Variants in JAKMIP1 observed in about 807,000 individuals in gnomAD.
JAKMIP1 encodes the protein janus kinase and microtubule interacting protein 1.
A neutral mutation model predicts 113.0 loss-of-function variants in JAKMIP1; 33 were observed. The ratio of observed to expected loss-of-function variants is 0.29; its 90% CI spans 0.22 to 0.39. The LOEUF (loss-of-function observed/expected upper bound fraction) is 0.39, where lower values mean the gene tolerates loss of function less well. JAKMIP1 is among the 10% of genes least tolerant of loss of function. JAKMIP1 has a pLI of 1.00. For synonymous variants in JAKMIP1, 480 were observed against 459.9 expected (o/e 1.04, Z -0.56); for missense variants, 813 against 1,080.5 (o/e 0.75, Z 3.47).
intron 8 of JAKMIP1, among the ~76,000 whole-genome samples, chr4:6,070,701 G>A (rs1718836191): frequency 6.6e-6 from 1 of 152,236 alleles, no homozygotes; most frequent in African/African-American, 2.4e-5. Context: ...GTCCTCATGT[G>A]TTTGGGAAAT....
At position 6,135,517 on chromosome 4, in the gene JAKMIP1, G is replaced by A. The variant is rs1041901145; in HGVS notation, c.-147-22520C>T. ...AGCCCCTGAAGACTGATACAGAGAT[G>A]CTCCTTGAGCTGCCCGACCCCACTC... is the stretch of plus-strand genomic sequence containing the variant. On this transcript the variant is annotated intron_variant, in intron 1 of 20. Coordinates refer to ENST00000409021, the MANE Select transcript of JAKMIP1 (RefSeq NM_001099433.2). This position sits in a 1 kb window ranked among gnomAD's most constrained non-coding sequence, Gnocchi z 4.9. 6.6e-6 allele frequency among the ~76,000 whole-genome samples: 1 copy of A among 152,148 alleles called. No individual in the cohort carries two copies. The highest frequency in any genetic ancestry group is 1.5e-5 in the Non-Finnish European group (1 of 68,022).
At chr4:6,134,385 T>C (rs1203039211) in intron 1 of JAKMIP1, among the ~76,000 whole-genome samples, 1 of 152,218 alleles carries the variant, frequency 6.6e-6, no homozygotes, top group Non-Finnish European at 1.5e-5. Flanking sequence ...TGGGGTTTCT[T>C]TGTTACTGCA....
intron 1 of JAKMIP1, among the ~76,000 whole-genome samples, chr4:6,174,399 C>T (rs1725093683): frequency 6.6e-6 from 1 of 152,230 alleles, no homozygotes; most frequent in Non-Finnish European, 1.5e-5. Context: ...CTGGGAGGGT[C>T]CAGGCACAGC....
chr4:6,158,078 C>G lies in JAKMIP1; in HGVS notation c.-148+42175G>C, dbSNP rs989071489. On this transcript the variant is annotated intron_variant, in intron 1 of 20. Coordinates refer to ENST00000409021, the MANE Select transcript of JAKMIP1 (RefSeq NM_001099433.2). The surrounding 1 kb of genome is among the most constrained non-coding windows in gnomAD (Gnocchi z 5.3). The stretch of plus-strand genomic sequence containing the variant: ...GCTGTCGGCCAGCGCCGTCCCTCTC[C>G]CTGTGTGAGACGCTGGTCAAGTTAC... Among the ~76,000 whole-genome samples, 14 of 152,182 alleles carry G rather than the reference C, an allele frequency of 9.2e-5. No individual in the cohort carries two copies. The highest frequency in any genetic ancestry group is 3.4e-4 in the African/African-American group (14 of 41,450).
intron 2 of JAKMIP1, among the ~76,000 whole-genome samples, chr4:6,109,997 C>T (rs533534497): frequency 5.3e-5 from 8 of 152,278 alleles, no homozygotes; most frequent in Admixed American, 2.0e-4. Context: ...AATTGCCACA[C>T]GTCCCAGAGG....
chr4:6,143,408 G>A lies in JAKMIP1; in HGVS notation c.-147-30411C>T, dbSNP rs958843363. Reference sequence around the variant, plus strand: ...CAGCTGCCACCAACTCCTCTCTGGCGCCATGTCTGAACCCAGGCTGGTAAG... The same window carrying A: ...CAGCTGCCACCAACTCCTCTCTGGCACCATGTCTGAACCCAGGCTGGTAAG... On this transcript the variant is annotated intron_variant, in intron 1 of 20. Coordinates refer to ENST00000409021, the MANE Select transcript of JAKMIP1 (RefSeq NM_001099433.2). This position sits in a 1 kb window ranked among gnomAD's most constrained non-coding sequence, Gnocchi z 4.9. 2.6e-5 allele frequency among the ~76,000 whole-genome samples: 4 copies of A among 152,080 alleles called. No individual in the cohort carries two copies. The highest frequency in any genetic ancestry group is 4.8e-5 in the African/African-American group (2 of 41,404).
chr4:6,142,060 C>A lies in JAKMIP1; in HGVS notation c.-147-29063G>T, dbSNP rs914451889. ...TCCTTCTGGGCTGCTTTTCCAGGGG[C>A]AGTTTTTACTTAAACTCATGTCTAT... On this transcript the variant is annotated intron_variant, in intron 1 of 20. Transcript: ENST00000409021. The surrounding 1 kb of genome is among the most constrained non-coding windows in gnomAD (Gnocchi z 5.5). Among the ~76,000 whole-genome samples, 1 of 144,972 alleles carries A rather than the reference C, an allele frequency of 6.9e-6. No individual in the cohort carries two copies. The highest frequency in any genetic ancestry group is 7.4e-5 in the Admixed American group (1 of 13,482).
chr4:6,053,448 C>T (rs1469250335), intron 13 of JAKMIP1, among the ~76,000 whole-genome samples: 2 of 152,070 alleles, frequency 1.3e-5, no homozygotes, highest in African/African-American at 4.8e-5. Flanking sequence ...GTTTGAACAA[C>T]GTAACTAGTT....
At position 6,140,142 on chromosome 4, in the gene JAKMIP1, C is replaced by A. The variant is rs1376357505; in HGVS notation, c.-147-27145G>T. ...AACTATTGTCCCAGTTTTTTGGAGACCAATTTCATACACACAGGGGAGAAA... is the reference window on the plus strand; with the variant it reads ...AACTATTGTCCCAGTTTTTTGGAGAACAATTTCATACACACAGGGGAGAAA... On this transcript the variant is annotated intron_variant, in intron 1 of 20. Coordinates refer to ENST00000409021, the MANE Select transcript of JAKMIP1 (RefSeq NM_001099433.2). This position sits in a 1 kb window ranked among gnomAD's most constrained non-coding sequence, Gnocchi z 9.4. Among the ~76,000 whole-genome samples, 1 of 152,038 alleles carries A rather than the reference C, an allele frequency of 6.6e-6. No individual in the cohort carries two copies. The highest frequency in any genetic ancestry group is 1.5e-5 in the Non-Finnish European group (1 of 68,026).
In JAKMIP1 at chr4:6,031,810, T is replaced by A. The variant is rs897797036; in HGVS notation, c.2380-2029A>T. Among the ~76,000 whole-genome samples the A allele has an allele frequency of 2.0e-5, 3 of 152,220 alleles. No individual in the cohort carries two copies. The highest frequency in any genetic ancestry group is 2.0e-4 in the Admixed American group (3 of 15,290). Reference sequence around the variant, plus strand: ...GGCAGTTATTCTGCCTCCCTGAGGCTTGGTGTCCTTATCTATAGATGGGTG... The same window carrying A: ...GGCAGTTATTCTGCCTCCCTGAGGCATGGTGTCCTTATCTATAGATGGGTG... On this transcript the variant is annotated intron_variant, in intron 19 of 20. Coordinates refer to ENST00000409021, the MANE Select transcript of JAKMIP1 (RefSeq NM_001099433.2). This position sits in a 1 kb window ranked among gnomAD's most constrained non-coding sequence, Gnocchi z 4.4.
In JAKMIP1 at chr4:6,084,950, C is replaced by A; in HGVS notation, c.850G>T (p.Glu284Ter). 8.6e-7 allele frequency: 1 copy of A among 1,161,368 alleles called. No individual in the cohort carries two copies. 71.9% of individuals were successfully genotyped at this position (1,161,368 alleles called of 1,614,324 possible). Residue 284 changes from glutamate to a stop codon, truncating the protein, a stop_gained, in exon 5 of 21, where the codon GAG becomes TAG. Coordinates refer to ENST00000409021, the MANE Select transcript of JAKMIP1 (RefSeq NM_001099433.2). LOFTEE classifies it high-confidence loss of function. The stretch of plus-strand genomic sequence containing the variant: ...AGTTGAAATCGCCTCACATCTCGCT[C>A]GTCCATATGTTGATCCTAAAAAAAA... ...LMGVQDQHMDERDVRRFQLKI... is the reference protein window; with the variant it reads ...LMGVQDQHMD
At chr4:6,149,556 G>A (rs957689784) in intron 1 of JAKMIP1, among the ~76,000 whole-genome samples, 4 of 152,204 alleles carry the variant, frequency 2.6e-5, no homozygotes, top group African/African-American at 9.7e-5. Context: ...TGCTACACAC[G>A]TGGTCAAGAT....
chr4:6,115,195 G>A (rs1028620151), intron 1 of JAKMIP1, among the ~76,000 whole-genome samples: 2 of 152,212 alleles, frequency 1.3e-5, no homozygotes, highest in Non-Finnish European at 2.9e-5. Context: ...GACCACCTGA[G>A]ATCAGGAGTT....
chr4:6,124,694 T>C (rs990487455), intron 1 of JAKMIP1, among the ~76,000 whole-genome samples: 1 of 152,186 alleles, frequency 6.6e-6, no homozygotes, highest in Admixed American at 6.5e-5. Context: ...TGCACCCTGC[T>C]CCTTGCTCCA....
At chr4:6,174,290 A>G (rs13102056) in intron 1 of JAKMIP1, among the ~76,000 whole-genome samples, 60,100 of 152,018 alleles carry the variant, frequency 0.4, 11,974 homozygotes, top group Middle Eastern at 0.46. Flanking sequence ...TGAACCACAG[A>G]CTCCAAAAGT....
At chr4:6,029,875 T>A in intron 19 of JAKMIP1, 94 bp from the exon 20 acceptor site, 2 of 873,930 alleles carry the variant, frequency 2.3e-6, no homozygotes, top group Non-Finnish European at 3.7e-6. Context: ...ACAGAAGCTG[T>A]AAAGGATACC....
rs1722058759 is a variant in JAKMIP1 at position 6,155,011 on chromosome 4, G to T, written c.-147-42014C>A. On this transcript the variant is annotated intron_variant, in intron 1 of 20. Transcript: ENST00000409021. The surrounding 1 kb of genome is among the most constrained non-coding windows in gnomAD (Gnocchi z 6.1). ...TCAGAGGCTTCCTTCCTTGTCCTGT[G>T]GATAAAGGAATTTAAAGCTCATTCC... is the stretch of plus-strand genomic sequence containing the variant. Among the ~76,000 whole-genome samples, 1 of 152,142 alleles carries T rather than the reference G, an allele frequency of 6.6e-6. No homozygotes were observed. Among genetic ancestry groups the T allele is most frequent in the African/African-American group, 2.4e-5 (1 of 41,424 alleles).
At position 6,105,715 on chromosome 4, in the gene JAKMIP1, C is replaced by T. The variant is rs1287688061; in HGVS notation, c.382G>A (p.Val128Ile). Residue 128 changes from valine to isoleucine, a missense_variant, in exon 3 of 21, where the codon GTC (valine) becomes ATC (isoleucine). Val to Ile is a conservative substitution (Grantham distance 29). Transcript: ENST00000409021. ...NVLRDGAADK[V>I]KTALLTEARE... The stretch of plus-strand genomic sequence containing the variant: ...GCCTCGGTCAGCAGCGCCGTCTTGA[C>T]CTTGTCGGCCGCGCCGTCGCGCAGC... The T allele has an allele frequency of 7.5e-6, 12 of 1,601,942 alleles. No individual in the cohort carries two copies. Among genetic ancestry groups the T allele is most frequent in the South Asian group, 1.1e-5 (1 of 90,584 alleles).
intron 12 of JAKMIP1, among the ~76,000 whole-genome samples, chr4:6,056,067 TGCC>T: frequency 9.2e-6 from 1 of 109,008 alleles, no homozygotes; most frequent in South Asian, 3.4e-4. Context: ...AGGACAGGGC[TGCC>T]CTCCCCATTT....
Sources: gnomAD v4.1 joint callset for allele counts (sites outside exome capture counted in the v4.1 genomes callset) on GRCh38, gnomAD v4.1.1 for gene constraint, Gnocchi (gnomAD v3.1) non-coding constraint, MANE v1.5 for transcripts, NCBI Gene and HGNC (gene_info 2026-07-23, HGNC 2026-07-21) for gene names.